The following DNAH11 variants were observed in gnomAD, a reference collection of about 807,000 sequenced individuals.
DNAH11 encodes the protein dynein axonemal heavy chain 11.
DNAH11 carries 442 observed loss-of-function variants against 526.0 expected under a neutral mutation model. The ratio of observed to expected loss-of-function variants is 0.84; its 90% CI spans 0.78 to 0.91. DNAH11 has a LOEUF of 0.91. Ranked by LOEUF, DNAH11 falls within the 40% of genes least tolerant of loss-of-function variation. DNAH11 has a pLI of 0.00. For synonymous variants in DNAH11, 2,461 were observed against 1,935.9 expected (o/e 1.27, Z -7.12); for missense variants, 6,989 against 5,448.7 (o/e 1.28, Z -8.90).
intron 66 of DNAH11, among the ~76,000 whole-genome samples, chr7:21,843,372 C>T (rs77908837): frequency 0.014 from 2,140 of 151,632 alleles, 60 homozygotes; most frequent in African/African-American, 0.049. Flanking sequence ...GATATACTTC[C>T]ATAAGGACTA....
chr7:21,712,418 T>A (rs1426824471), intron 42 of DNAH11, among the ~76,000 whole-genome samples: 1 of 152,204 alleles, frequency 6.6e-6, no homozygotes, highest in Non-Finnish European at 1.5e-5. Flanking sequence ...AGATCATATG[T>A]TAATTCTAAT....
At position 21,780,332 on chromosome 7, in the gene DNAH11, C is replaced by T. The variant is rs1045571584; in HGVS notation, c.9483+1228C>T. ...GGCAGAGGCAGGAGGATAGCTTCAGCCCAGGAGTTCGAGACCTGCCTGGAC... is the reference window on the plus strand; with the variant it reads ...GGCAGAGGCAGGAGGATAGCTTCAGTCCAGGAGTTCGAGACCTGCCTGGAC... On this transcript the variant is annotated intron_variant, in intron 57 of 81. Coordinates refer to ENST00000409508, the MANE Select transcript of DNAH11 (RefSeq NM_001277115.2). Among the ~76,000 whole-genome samples the T allele has an allele frequency of 9.2e-5, 14 of 152,082 alleles. 2 individuals are homozygous for T. Among genetic ancestry groups the T allele is most frequent in the Admixed American group, 8.5e-4 (13 of 15,246 alleles).
At chr7:21,796,829 A>T (rs1263151062) in intron 61 of DNAH11, among the ~76,000 whole-genome samples, 1 of 152,244 alleles carries the variant, frequency 6.6e-6, no homozygotes, top group Non-Finnish European at 1.5e-5. Flanking sequence ...AAATGCATTA[A>T]CACATGTCAA....
intron 25 of DNAH11, among the ~76,000 whole-genome samples, chr7:21,634,901 C>T (rs527727485): frequency 3.9e-4 from 59 of 152,100 alleles, no homozygotes; most frequent in Non-Finnish European, 7.4e-4. Flanking sequence ...GTGATAGAAG[C>T]GTTTCAGACA....
At chr7:21,626,018 C>T (rs1786314771) in intron 25 of DNAH11, among the ~76,000 whole-genome samples, 1 of 152,016 alleles carries the variant, frequency 6.6e-6, no homozygotes, top group South Asian at 2.1e-4. Flanking sequence ...AAGATCAAAT[C>T]AGTGTAATTG....
intron 39 of DNAH11, among the ~76,000 whole-genome samples, chr7:21,707,452 C>T (rs1784310643): frequency 1.3e-5 from 2 of 152,346 alleles, no homozygotes; most frequent in African/African-American, 2.4e-5. Context: ...GAGAAAGTGA[C>T]TCCCTTTAGT....
chr7:21,654,856 T>C (rs1311455650), intron 28 of DNAH11, among the ~76,000 whole-genome samples: 1 of 152,180 alleles, frequency 6.6e-6, no homozygotes, highest in Admixed American at 6.5e-5. Context: ...ACACAACACA[T>C]GTCATTCTCT....
chr7:21,644,440 G>A (rs11761227), intron 28 of DNAH11, among the ~76,000 whole-genome samples: 58,281 of 151,998 alleles, frequency 0.38, 12,971 homozygotes, highest in Non-Finnish European at 0.51. Flanking sequence ...CTCAATACGT[G>A]CATGGTAAGT....
intron 73 of DNAH11, among the ~76,000 whole-genome samples, 165 bp downstream of exon 73, chr7:21,869,156 G>A (rs1783404394): frequency 6.6e-6 from 1 of 152,212 alleles, no homozygotes; most frequent in Non-Finnish European, 1.5e-5. Flanking sequence ...ATGGTGAGGG[G>A]CTCTGCGGAC....
chr7:21,819,129 C>T (rs1244795437), intron 65 of DNAH11, among the ~76,000 whole-genome samples: 1 of 152,184 alleles, frequency 6.6e-6, no homozygotes. Context: ...AACCGACATT[C>T]ACTAGACTTA....
chr7:21,806,471 G>A (rs1789267728), intron 62 of DNAH11, among the ~76,000 whole-genome samples: 1 of 152,144 alleles, frequency 6.6e-6, no homozygotes, highest in Non-Finnish European at 1.5e-5. Context: ...AGCAAAGCAG[G>A]GAGATGATCT....
At chr7:21,870,347 C>G (rs1305986491) in intron 73 of DNAH11, among the ~76,000 whole-genome samples, 4 of 152,112 alleles carry the variant, frequency 2.6e-5, no homozygotes, top group Non-Finnish European at 5.9e-5. Context: ...AGAGTCCAAG[C>G]AGGCTTATGA....
At chr7:21,661,657 A>G (rs945891408) in intron 30 of DNAH11, among the ~76,000 whole-genome samples, 3 of 152,076 alleles carry the variant, frequency 2.0e-5, no homozygotes, top group African/African-American at 4.8e-5. Flanking sequence ...CCAGGGCCAG[A>G]TTAAGTAGAC....
chr7:21,619,365 G>A (rs1785933370), intron 24 of DNAH11, 143 bp downstream of exon 24: 1 of 893,494 alleles, frequency 1.1e-6, no homozygotes, highest in Non-Finnish European at 1.7e-6. Flanking sequence ...ATTAGGTGTG[G>A]GATGAGCAGG....
chr7:21,568,636 T>C (rs1783765322), intron 6 of DNAH11, among the ~76,000 whole-genome samples: 1 of 152,200 alleles, frequency 6.6e-6, no homozygotes, highest in African/African-American at 2.4e-5. Flanking sequence ...GGAGGTTCTT[T>C]GTCTATGATT....
chr7:21,693,043 T>C (rs1047050767), intron 35 of DNAH11, among the ~76,000 whole-genome samples: 4 of 152,238 alleles, frequency 2.6e-5, no homozygotes, highest in Non-Finnish European at 5.9e-5. Context: ...TTCTCTCAAT[T>C]TGTGGCTTGC....
chr7:21,687,145 G>A lies in DNAH11; in HGVS notation c.5668G>A (p.Ala1890Thr). The A allele has an allele frequency of 3.7e-6, 6 of 1,613,312 alleles. No individual in the cohort carries two copies. The highest frequency in any genetic ancestry group is 5.1e-6 in the Non-Finnish European group (6 of 1,179,622). ...ATCACTTCATCTAACCATGAGTGGG[G>A]CTCCTGCTGGCCCAGCTGGTACCGG... ...TQSLHLTMSGAPAGPAGTGKT... is the reference protein window; with the variant it reads ...TQSLHLTMSGTPAGPAGTGKT... Residue 1890 changes from alanine to threonine, a missense_variant, in exon 33 of 82, where the codon GCT becomes ACT. Transcript: ENST00000409508.
At chr7:21,821,926 T>G (rs1790068929) in intron 65 of DNAH11, among the ~76,000 whole-genome samples, 1 of 152,068 alleles carries the variant, frequency 6.6e-6, no homozygotes, top group African/African-American at 2.4e-5. Context: ...AGACCCGATT[T>G]TTTAGCTCCT....
At chr7:21,765,339 A>C in intron 54 of DNAH11, 89 bp from the exon 55 acceptor site, 1 of 1,573,838 alleles carries the variant, frequency 6.4e-7, no homozygotes, top group Non-Finnish European at 8.7e-7. Context: ...AGTTGGCTGC[A>C]CTCCTTTCTC....
Sources: allele counts gnomAD v4.1 joint callset (sites outside exome capture counted in the v4.1 genomes callset), GRCh38; gene constraint gnomAD v4.1.1; transcripts MANE v1.5; gene names NCBI Gene and HGNC (gene_info 2026-07-23, HGNC 2026-07-21).